HYDIN: variants seen among roughly 807,000 people sequenced by gnomAD.
HYDIN encodes the protein HYDIN axonemal central pair apparatus protein.
Under a neutral mutation model 403.9 loss-of-function variants are expected in HYDIN, and 132 were observed. The ratio of observed to expected loss-of-function variants is 0.33; its 90% confidence interval spans 0.28 to 0.38. The LOEUF is 0.38. Among genes scored for constraint, HYDIN ranks in the 10% least tolerant of loss-of-function variants. The pLI is 1.00. For synonymous variants in HYDIN, 1,202 were observed against 1,891.7 expected, an observed-to-expected ratio of 0.64 and a Z score of 9.46; for missense variants, 2,827 against 5,009.5, an observed-to-expected ratio of 0.56 and a Z score of 13.15.
chr16:71,225,059 G>T (rs1347543314), intron 1 of HYDIN, among the ~76,000 whole-genome samples: 2 of 152,208 alleles, frequency 1.3e-5, no homozygotes, highest in Non-Finnish European at 2.9e-5. Flanking sequence ...GGTGATGGTT[G>T]TAAAATCTGG....
intron 52 of HYDIN, among the ~76,000 whole-genome samples, chr16:70,901,906 G>A (rs544567005): frequency 6.6e-6 from 1 of 152,114 alleles, no homozygotes; most frequent in Non-Finnish European, 1.5e-5. Flanking sequence ...TTTAAAAATT[G>A]CAGTTTCTCT....
At chr16:71,170,987 T>C (rs959570105) in intron 5 of HYDIN, among the ~76,000 whole-genome samples, 1 of 152,168 alleles carries the variant, frequency 6.6e-6, no homozygotes, top group Non-Finnish European at 1.5e-5. Flanking sequence ...AAAGAAAGCC[T>C]TCCATAATAA....
At chr16:71,031,495 T>C (rs2144158391) in intron 19 of HYDIN, 184 bp downstream of exon 19, 2 of 1,339,102 alleles carry the variant, frequency 1.5e-6, no homozygotes, top group African/African-American at 1.5e-5. Context: ...AACCAAGTTA[T>C]GGCTAGAAAA....
chr16:71,137,674 G>C (rs1249926843), intron 7 of HYDIN, among the ~76,000 whole-genome samples: 1 of 151,994 alleles, frequency 6.6e-6, no homozygotes, highest in Non-Finnish European at 1.5e-5. Context: ...GAGCAATCGA[G>C]TTATAGAATT....
At chr16:70,879,065 G>A (rs2040619571) in intron 62 of HYDIN, among the ~76,000 whole-genome samples, 1 of 150,508 alleles carries the variant, frequency 6.6e-6, no homozygotes, top group Admixed American at 6.6e-5. Context: ...GCACATCACT[G>A]CACACTACCT....
chr16:71,093,284 T>A (rs1180840736), intron 11 of HYDIN, among the ~76,000 whole-genome samples: 4 of 152,346 alleles, frequency 2.6e-5, no homozygotes, highest in Non-Finnish European at 5.9e-5. Context: ...GCATACATCC[T>A]GTAAAATTTC....
chr16:71,222,127 G>A (rs1053029821), intron 1 of HYDIN, among the ~76,000 whole-genome samples: 2 of 152,136 alleles, frequency 1.3e-5, no homozygotes, highest in African/African-American at 4.8e-5. Flanking sequence ...ACACCAAAAG[G>A]ATAACACATC....
chr16:71,184,921 T>C lies in HYDIN; in HGVS notation c.205A>G (p.Met69Val). The change falls in exon 3 of 86, where the codon ATG becomes GTG. Residue 69 changes from methionine (M) to valine (V), a missense_variant. By Grantham distance (21) the Met-to-Val change is conservative. Coordinates refer to ENST00000393567, the MANE Select transcript of HYDIN (RefSeq NM_001270974.2). ...TEQRLAKTRL[M>V]CRPQIIELLD... is the part of the protein sequence containing the mutation. Reference sequence around the variant, plus strand: ...AGTTCGATGATCTGTGGTCGGCACATCAAACGTGTTTTTGCCAGTCTCTGC... The same window carrying C: ...AGTTCGATGATCTGTGGTCGGCACACCAAACGTGTTTTTGCCAGTCTCTGC... The C allele has an allele frequency of 6.2e-7, 1 of 1,611,440 alleles. No homozygotes were observed. The highest frequency in any genetic ancestry group is 8.5e-7 in the Non-Finnish European group (1 of 1,178,160).
At chr16:70,967,279 T>C (rs2078607013) in intron 36 of HYDIN, among the ~76,000 whole-genome samples, 1 of 152,092 alleles carries the variant, frequency 6.6e-6, no homozygotes, top group Admixed American at 6.5e-5. Context: ...GGAATATTGA[T>C]ATTACTATTT....
intron 39 of HYDIN, among the ~76,000 whole-genome samples, chr16:70,957,330 T>TA (rs1555591382): frequency 6.8e-6 from 1 of 147,224 alleles, no homozygotes; most frequent in Non-Finnish European, 1.5e-5. Context: ...TCCTTCCTAT[T>TA]TTTTTTTTTT....
rs1211222251 is a variant in HYDIN, at chr16:71,069,439, A to T, written c.1802T>A (p.Leu601Gln). ...GCCAAGGCCATCCCCAGGGATACGCAGTTTGTAAGTCATGGGGATCAAAGA... is the reference window on the plus strand; with the variant it reads ...GCCAAGGCCATCCCCAGGGATACGCTGTTTGTAAGTCATGGGGATCAAAGA... ...NTSLIPMTYK[L>Q]RIPGDGLGHK... Residue 601 changes from leucine to glutamine, a missense_variant, in exon 14 of 86, where the codon CTG becomes CAG. Physicochemically the swap from Leu to Gln is moderately radical, Grantham distance 113 (BLOSUM62 -2). Coordinates refer to ENST00000393567, the MANE Select transcript of HYDIN (RefSeq NM_001270974.2). 6.2e-7 allele frequency: 1 copy of T among 1,613,888 alleles called. No homozygotes were observed. The highest frequency in any genetic ancestry group is 1.3e-5 in the African/African-American group (1 of 74,910).
intron 55 of HYDIN, among the ~76,000 whole-genome samples, chr16:70,893,067 C>T (rs1344318537): frequency 6.6e-6 from 1 of 152,194 alleles, no homozygotes; most frequent in African/African-American, 2.4e-5. Context: ...CCCACCTAGG[C>T]AGAGGTGGGA....
intron 23 of HYDIN, among the ~76,000 whole-genome samples, chr16:71,005,576 A>G (rs975362191): frequency 1.4e-4 from 21 of 152,316 alleles, no homozygotes; most frequent in Non-Finnish European, 3.1e-4. Flanking sequence ...ATATTTTGTT[A>G]CGGCAGCCTG....
chr16:71,199,621 TA>T (rs761615497), intron 1 of HYDIN, among the ~76,000 whole-genome samples: 48 of 152,192 alleles, frequency 3.2e-4, no homozygotes, highest in Non-Finnish European at 6.3e-4. Flanking sequence ...AGCTTTGGTT[TA>T]TAATCTGTCC....
chr16:70,871,186 G>A (rs970229169), intron 65 of HYDIN, among the ~76,000 whole-genome samples: 14 of 151,678 alleles, frequency 9.2e-5, no homozygotes, highest in East Asian at 1.9e-4. Flanking sequence ...GGACCATGAC[G>A]AAACGGAATG....
chr16:71,092,699 G>A (rs1029365943), intron 11 of HYDIN, among the ~76,000 whole-genome samples: 66 of 139,152 alleles, frequency 4.7e-4, no homozygotes, highest in Admixed American at 1.9e-3. Context: ...TCCTGCTTCA[G>A]TCTTCCAAGT....
rs2081400368 is a variant in HYDIN, at chr16:71,044,803, C to T, written c.2530-12886G>A. Among the ~76,000 whole-genome samples, 3 of 142,364 alleles carry T rather than the reference C, an allele frequency of 2.1e-5. No homozygotes were observed. The East Asian group carries it at 5.9e-4, about 28-fold the overall frequency. 93.4% of individuals were successfully genotyped at this position (142,364 alleles called of 152,430 possible). A position where few individuals can be genotyped will look rare whatever the true frequency, so the allele number is the denominator to read the frequency against. On this transcript the variant is annotated intron_variant, in intron 18 of 85. Coordinates refer to ENST00000393567, the MANE Select transcript of HYDIN (RefSeq NM_001270974.2). ...AGTTTTCTACTAAGTTGTCTTGTCT[C>T]CTTATATGCCTGGTTATTTTAAGAC...
chr16:71,190,085 C>T (rs1597988486), intron 1 of HYDIN, among the ~76,000 whole-genome samples: 1 of 152,126 alleles, frequency 6.6e-6, no homozygotes, highest in East Asian at 1.9e-4. Flanking sequence ...ACTGAAAAAG[C>T]CCATAAGCAA....
chr16:70,861,189 G>A (rs2039392095), intron 69 of HYDIN, among the ~76,000 whole-genome samples: 1 of 152,324 alleles, frequency 6.6e-6, no homozygotes, highest in South Asian at 2.1e-4. Context: ...TTACCCTCTG[G>A]TCTCTCTCAT....
Sources: gnomAD v4.1 joint callset for allele counts (sites outside exome capture counted in the v4.1 genomes callset) on GRCh38, gnomAD v4.1.1 for gene constraint, MANE v1.5 for transcripts, NCBI Gene and HGNC (gene_info 2026-07-23, HGNC 2026-07-21) for gene names.